Variants in CD72 observed in about 807,000 individuals in gnomAD.
CD72 encodes the protein CD72 molecule, also known as B-cell differentiation antigen CD72.
In CD72, 28 loss-of-function variants were observed where a neutral mutation model predicts 50.7. The observed-to-expected ratio is 0.55, with a 90% confidence interval of 0.41 to 0.76. The LOEUF is 0.76. CD72 is among the 30% of genes least tolerant of loss of function. The pLI is 0.00. For missense variants in CD72, 403 were observed against 420.6 expected (o/e 0.96, Z 0.37); for synonymous variants, 176 against 171.2 (o/e 1.03, Z -0.22).
At chr9:35,617,912 C>T (rs895151908) in intron 2 of CD72, 102 bp downstream of exon 2, 4 of 782,366 alleles carry the variant, frequency 5.1e-6, no homozygotes, top group African/African-American at 5.1e-5. Context: ...GCCTGAGTGA[C>T]AGAACAAGAC....
chr9:35,622,532 C>T (rs547427555), upstream of CD72, among the ~76,000 whole-genome samples: 46 of 152,220 alleles, frequency 3.0e-4, no homozygotes, highest in Middle Eastern at 6.8e-3. Context: ...CGATGGCTCA[C>T]GCCTGTTATC....
intron 3 of CD72, chr9:35,616,950 G>T: frequency 7.1e-7 from 1 of 1,416,620 alleles, no homozygotes; most frequent in Non-Finnish European, 9.3e-7. Context: ...ACGGAGAGAG[G>T]GGAAGGGGGG....
At chr9:35,611,353 C>G (rs1822981243) in intron 7 of CD72, among the ~76,000 whole-genome samples, 2 of 152,154 alleles carry the variant, frequency 1.3e-5, no homozygotes, top group Admixed American at 1.3e-4. Context: ...CCACTGCTGT[C>G]TTGATCACAG....
At chr9:35,624,541 C>T (rs1176139611), upstream of CD72, among the ~76,000 whole-genome samples, 1 of 152,080 alleles carries the variant, frequency 6.6e-6, no homozygotes, top group Admixed American at 6.6e-5. Flanking sequence ...GAGCGATTAC[C>T]CTGGCAGAGG....
At chr9:35,621,969 A>T (rs1437367621), upstream of CD72, among the ~76,000 whole-genome samples, 1 of 152,216 alleles carries the variant, frequency 6.6e-6, no homozygotes, top group East Asian at 1.9e-4. Context: ...ATAAATTTGT[A>T]TTGTTTAAGC....
At chr9:35,646,092 G>A (rs1312102216) in intron 1 of CD72, among the ~76,000 whole-genome samples, 4 of 151,758 alleles carry the variant, frequency 2.6e-5, no homozygotes, top group Admixed American at 2.0e-4. Context: ...CCTGGGAGGC[G>A]GAGGTTGCAG....
Position 35,618,016 on chromosome 9 carries a change from G to C in CD72, c.188C>G (p.Ala63Gly), listed in dbSNP as rs372311951. The change falls in exon 2 of 9, where the codon GCA becomes GGA. Residue 63 changes from alanine (A) to glycine (G), a missense_variant and splice_region_variant. By Grantham distance (60) the Ala-to-Gly change is moderately conservative. Coordinates refer to ENST00000259633, the MANE Select transcript of CD72 (RefSeq NM_001782.3). ...SLASSVLGDK[A>G]AVKSEQPTAS... is the part of the protein sequence containing the mutation. Reference sequence around the variant, plus strand: ...CACATCCCCCAGGCTCTCCAGACCTGCTTTGTCCCCTAGTACAGAAGAAGC... The same window carrying C: ...CACATCCCCCAGGCTCTCCAGACCTCCTTTGTCCCCTAGTACAGAAGAAGC... 3 of 1,596,230 alleles carry C rather than the reference G, an allele frequency of 1.9e-6. No homozygotes were observed. Among genetic ancestry groups the C allele is most frequent in the Non-Finnish European group, 2.6e-6 (3 of 1,163,802 alleles).
chr9:35,618,495 G>T, upstream of CD72: 1 of 1,378,930 alleles, frequency 7.3e-7, no homozygotes, highest in Non-Finnish European at 9.9e-7. Flanking sequence ...GCTCAATGAA[G>T]CAGAAGGCAT....
rs1823067589 is a variant in CD72 at position 35,616,581 on chromosome 9, T to C, written c.352+19A>G. ...AAAGTCGTTCGGTGTAAGTGGGAAGTAGGGACAGCCTTACTCACAGCGCAC... is the reference window on the plus strand; with the variant it reads ...AAAGTCGTTCGGTGTAAGTGGGAAGCAGGGACAGCCTTACTCACAGCGCAC... On this transcript the variant is annotated intron_variant, in intron 4 of 8. Transcript: ENST00000259633. 2 of 1,595,602 alleles carry C rather than the reference T, an allele frequency of 1.3e-6. No individual in the cohort carries two copies. Among genetic ancestry groups the C allele is most frequent in the Non-Finnish European group, 1.7e-6 (2 of 1,163,370 alleles).
chr9:35,614,336 T>C (rs534874584), intron 5 of CD72, among the ~76,000 whole-genome samples: 1 of 152,316 alleles, frequency 6.6e-6, no homozygotes, highest in South Asian at 2.1e-4. Context: ...GGCTCCAATA[T>C]GAAGAATGGA....
In CD72 at chr9:35,615,954, C is replaced by A; in HGVS notation, c.677G>T (p.Cys226Phe). ...MENRLKPFFT[C>F]GSADTCCPSG... ...CCCAGAGCGGATACCTGCTGAGCCG[C>A]ATGTGAAGAAGGGCTTCAGTCTGTT... is the stretch of plus-strand genomic sequence containing the variant. Residue 226 changes from cysteine (C) to phenylalanine (F), a missense_variant, in exon 5 of 9, where the codon TGC becomes TTC. Transcript: ENST00000259633. 6.2e-7 allele frequency: 1 copy of A among 1,613,276 alleles called. No homozygotes were observed. Among genetic ancestry groups the A allele is most frequent in the South Asian group, 1.1e-5 (1 of 91,048 alleles).
intron 1 of CD72, chr9:35,642,396 T>C (rs1239038449): frequency 2.0e-5 from 3 of 152,210 alleles, no homozygotes; most frequent in Non-Finnish European, 2.9e-5. Flanking sequence ...CATCATGAGA[T>C]GGCCACACAG....
At chr9:35,634,572 T>G (rs1262147528) in intron 1 of CD72, among the ~76,000 whole-genome samples, 3 of 152,176 alleles carry the variant, frequency 2.0e-5, no homozygotes, top group Non-Finnish European at 4.4e-5. Flanking sequence ...AGGCTGGTTT[T>G]GAACTCCTGA....
intron 1 of CD72, among the ~76,000 whole-genome samples, chr9:35,636,754 A>G (rs1823294399): frequency 6.6e-6 from 1 of 152,200 alleles, no homozygotes; most frequent in African/African-American, 2.4e-5. Context: ...TGAAGAGAGT[A>G]TCTGAGTCTT....
At position 35,613,865 on chromosome 9, in the gene CD72, C is replaced by T. The variant is rs1342851168; in HGVS notation, c.689-872G>A. The stretch of plus-strand genomic sequence containing the variant: ...CTAAAAATACCAAAAAATACCCAGG[C>T]ACCATGGCGCATGCCTATAATCCCA... On this transcript the variant is annotated intron_variant, in intron 5 of 8. Coordinates refer to ENST00000259633, the MANE Select transcript of CD72 (RefSeq NM_001782.3). Among the ~76,000 whole-genome samples, 3 of 152,064 alleles carry T rather than the reference C, an allele frequency of 2.0e-5. No homozygotes were observed. In the East Asian group the frequency reaches 5.8e-4, roughly 29 times the overall value.
At chr9:35,643,743 G>A (rs768441324) in intron 1 of CD72, among the ~76,000 whole-genome samples, 14 of 152,004 alleles carry the variant, frequency 9.2e-5, no homozygotes, top group Admixed American at 1.3e-4. Context: ...TTTTGGAGGC[G>A]GAGGCAGGCA....
chr9:35,617,935 A>G (rs1823092967), intron 2 of CD72, 79 bp downstream of exon 2: 1 of 879,062 alleles, frequency 1.1e-6, no homozygotes, highest in African/African-American at 1.6e-5. Context: ...TGTCTCAAGA[A>G]CAACAACAAA....
chr9:35,624,865 C>T (rs888754235), intron 1 of CD72, among the ~76,000 whole-genome samples: 4 of 152,204 alleles, frequency 2.6e-5, no homozygotes, highest in Admixed American at 2.0e-4. Context: ...TTAATATTGT[C>T]ATTGTTTTGG....
At chr9:35,610,549 G>A in intron 8 of CD72, 53 bp downstream of exon 8, 1 of 950,692 alleles carries the variant, frequency 1.1e-6, no homozygotes, top group Non-Finnish European at 1.5e-6. Context: ...TCCCTGCTCT[G>A]AGTCCCTCTG....
Sources: gnomAD v4.1 joint callset for allele counts (sites outside exome capture counted in the v4.1 genomes callset) on GRCh38, gnomAD v4.1.1 for gene constraint, MANE v1.5 for transcripts, NCBI Gene and HGNC (gene_info 2026-07-23, HGNC 2026-07-21) for gene names.